SLC9A9: variants seen among roughly 807,000 people sequenced by gnomAD.
SLC9A9 encodes solute carrier family 9 member A9.
In SLC9A9, 62 loss-of-function variants were observed where a neutral mutation model predicts 77.8. The ratio of observed to expected loss-of-function variants is 0.80; its 90% CI spans 0.65 to 0.98. SLC9A9 has a LOEUF of 0.98. Ranked by LOEUF, SLC9A9 falls within the 50% of genes least tolerant of loss-of-function variation. The pLI is 0.00. For missense variants in SLC9A9, 775 were observed against 774.9 expected (o/e 1.00, Z 0.00); for synonymous variants, 320 against 283.5 (o/e 1.13, Z -1.29).
intron 5 of SLC9A9, among the ~76,000 whole-genome samples, chr3:143,654,766 G>T (rs968271574): frequency 6.6e-6 from 1 of 152,060 alleles, no homozygotes; most frequent in Admixed American, 6.6e-5. Context: ...TTCCATGGAG[G>T]TTTCCTAGGC....
rs139686291 is a variant in SLC9A9, at chr3:143,459,994, A to C, written c.1469+7043T>G. Among the ~76,000 whole-genome samples the C allele has an allele frequency of 9.9e-5, 15 of 152,270 alleles. No homozygotes were observed. The East Asian group carries it at 2.7e-3, about 27-fold the overall frequency. ...ACCTTATGATTGCTGGGATTGGGGA[A>C]AAGAGAATGAAGAAAACAACAACAA... is the stretch of plus-strand genomic sequence containing the variant. On this transcript the variant is annotated intron_variant, in intron 12 of 15. Transcript: ENST00000316549.
At chr3:143,504,809 T>A (rs908567992) in intron 9 of SLC9A9, among the ~76,000 whole-genome samples, 1 of 152,130 alleles carries the variant, frequency 6.6e-6, no homozygotes, top group Non-Finnish European at 1.5e-5. Flanking sequence ...GAAAACTACA[T>A]TCAAAGGCAT....
intron 12 of SLC9A9, among the ~76,000 whole-genome samples, chr3:143,441,473 C>G (rs551124954): frequency 1.0e-3 from 156 of 152,318 alleles, no homozygotes; most frequent in African/African-American, 3.6e-3. Flanking sequence ...CACTTTCTTA[C>G]TAGACATTGG....
intron 14 of SLC9A9, among the ~76,000 whole-genome samples, chr3:143,295,725 C>T (rs955125591): frequency 4.6e-5 from 7 of 152,142 alleles, no homozygotes; most frequent in Non-Finnish European, 8.8e-5. Flanking sequence ...TCATTTCTCC[C>T]TTCTTTCCTT....
chr3:143,428,263 C>CTGAA (rs1365898020), intron 12 of SLC9A9, among the ~76,000 whole-genome samples: 1 of 23,216 alleles, frequency 4.3e-5, no homozygotes, highest in Non-Finnish European at 8.1e-5. Flanking sequence ...GATAAAAGAC[C>CTGAA]TGAATAGACA....
intron 12 of SLC9A9, among the ~76,000 whole-genome samples, chr3:143,463,918 T>C (rs2035238968): frequency 6.6e-6 from 1 of 152,206 alleles, no homozygotes; most frequent in African/African-American, 2.4e-5. Context: ...GTGCAATTCA[T>C]ATTAATACTA....
intron 14 of SLC9A9, among the ~76,000 whole-genome samples, chr3:143,318,025 C>T (rs1360289112): frequency 6.6e-6 from 1 of 152,196 alleles, no homozygotes; most frequent in African/African-American, 2.4e-5. Context: ...CCGTGCCCGG[C>T]CTCATTTTCT....
At position 143,718,921 on chromosome 3, in the gene SLC9A9, G is replaced by A. The variant is rs182264271; in HGVS notation, c.534-25614C>T. 4.5e-4 allele frequency among the ~76,000 whole-genome samples: 68 copies of A among 152,186 alleles called. No individual in the cohort carries two copies. In the East Asian group the frequency reaches 0.012, roughly 27 times the overall value. ...TCCTATTTAGTAGCTACTTAATCTA[G>A]GACGACTTAGCCCCTCAGTTGTCAG... On this transcript the variant is annotated intron_variant, in intron 4 of 15. Coordinates refer to ENST00000316549, the MANE Select transcript of SLC9A9 (RefSeq NM_173653.4).
chr3:143,383,295 G>A (rs891912247), intron 12 of SLC9A9, among the ~76,000 whole-genome samples: 2 of 152,186 alleles, frequency 1.3e-5, no homozygotes, highest in African/African-American at 4.8e-5. Context: ...ATTCCTGTAA[G>A]CTGTTCCTAC....
chr3:143,598,460 G>C (rs1413042634), intron 6 of SLC9A9, among the ~76,000 whole-genome samples: 1 of 152,208 alleles, frequency 6.6e-6, no homozygotes, highest in Non-Finnish European at 1.5e-5. Flanking sequence ...CACTAATGGA[G>C]GGTAAATTAG....
At chr3:143,641,304 G>T (rs2038617049) in intron 6 of SLC9A9, among the ~76,000 whole-genome samples, 1 of 151,442 alleles carries the variant, frequency 6.6e-6, no homozygotes, top group African/African-American at 2.4e-5. Context: ...ATTGTTAAGG[G>T]CTACCTACAG....
At chr3:143,678,882 T>C (rs990007002) in intron 5 of SLC9A9, among the ~76,000 whole-genome samples, 1 of 152,220 alleles carries the variant, frequency 6.6e-6, no homozygotes, top group African/African-American at 2.4e-5. Context: ...TGGTGAACTA[T>C]AATAGCATCG....
At chr3:143,298,296 C>A (rs1174474922) in intron 14 of SLC9A9, among the ~76,000 whole-genome samples, 1 of 152,176 alleles carries the variant, frequency 6.6e-6, no homozygotes, top group African/African-American at 2.4e-5. Flanking sequence ...TATAGATCTG[C>A]AACCTAGCCC....
intron 12 of SLC9A9, among the ~76,000 whole-genome samples, chr3:143,458,306 C>T (rs1422204309): frequency 6.6e-6 from 1 of 152,022 alleles, no homozygotes; most frequent in African/African-American, 2.4e-5. Context: ...TTACACTTAA[C>T]CTATCTATAT....
rs138844086 is a variant in SLC9A9, at chr3:143,456,507, A to G, written c.1469+10530T>C. Among the ~76,000 whole-genome samples, 1,484 of 151,592 alleles carry G rather than the reference A, an allele frequency of 9.8e-3. 9 individuals are homozygous for G. The highest frequency in any genetic ancestry group is 0.017 in the Non-Finnish European group (1,158 of 67,930). The stretch of plus-strand genomic sequence containing the variant: ...TTTCAAAGAATTTGCCAGTGAAACC[A>G]TCTGGGCTTGTAGTTTATTTTTTTG... On this transcript the variant is annotated intron_variant, in intron 12 of 15. Coordinates refer to ENST00000316549, the MANE Select transcript of SLC9A9 (RefSeq NM_173653.4).
At chr3:143,492,161 A>G (rs867519361) in intron 11 of SLC9A9, among the ~76,000 whole-genome samples, 4 of 151,876 alleles carry the variant, frequency 2.6e-5, no homozygotes, top group Non-Finnish European at 4.4e-5. Context: ...GCGTGGTGGC[A>G]GGCGCCTGTA....
intron 5 of SLC9A9, among the ~76,000 whole-genome samples, chr3:143,673,971 T>C (rs1166532352): frequency 6.6e-6 from 1 of 152,000 alleles, no homozygotes; most frequent in East Asian, 1.9e-4. Flanking sequence ...AGGAAGAAAA[T>C]GGTATCTGGA....
chr3:143,674,235 A>C (rs997535032), intron 5 of SLC9A9, among the ~76,000 whole-genome samples: 7 of 152,236 alleles, frequency 4.6e-5, no homozygotes, highest in Non-Finnish European at 1.0e-4. Context: ...AAGTTAAAGC[A>C]TTAAACTGTG....
At chr3:143,327,292 G>A (rs1353042171) in intron 14 of SLC9A9, among the ~76,000 whole-genome samples, 1 of 152,176 alleles carries the variant, frequency 6.6e-6, no homozygotes, top group Admixed American at 6.5e-5. Flanking sequence ...AAGTAGACTT[G>A]TGGAGGTGGA....
Sources: allele counts gnomAD v4.1 joint callset (sites outside exome capture counted in the v4.1 genomes callset), GRCh38; gene constraint gnomAD v4.1.1; transcripts MANE v1.5; gene names NCBI Gene and HGNC (gene_info 2026-07-23, HGNC 2026-07-21).